NFATC2: variants seen among roughly 807,000 people sequenced by gnomAD.
The protein encoded by NFATC2 is nuclear factor of activated T cells 2.
In NFATC2, 22 loss-of-function variants were observed where a neutral mutation model predicts 87.3. The observed-to-expected ratio is 0.25, with a 90% CI of 0.18 to 0.36. The LOEUF is 0.36. NFATC2 is among the 10% of genes least tolerant of loss of function. The probability of loss-of-function intolerance (pLI) is 1.00; values close to 1 mark genes in which losing one functional copy is unlikely to be tolerated. For synonymous variants in NFATC2, 565 were observed against 542.2 expected (o/e 1.04, Z -0.58); for missense variants, 1,149 against 1,259.1 (o/e 0.91, Z 1.32).
chr20:51,544,814 G>A (rs547004954), upstream of NFATC2, among the ~76,000 whole-genome samples: 2 of 152,226 alleles, frequency 1.3e-5, no homozygotes, highest in South Asian at 4.1e-4. Context: ...TGCTTCCAAT[G>A]TGTGGCCAGA....
At chr20:51,435,621 G>A in intron 7 of NFATC2, 85 bp downstream of exon 7, 1 of 1,430,304 alleles carries the variant, frequency 7.0e-7, no homozygotes. Flanking sequence ...GGACACTGAT[G>A]AAGGAAGGAG....
intron 9 of NFATC2, among the ~76,000 whole-genome samples, chr20:51,425,513 G>A (rs1391472327): frequency 1.3e-5 from 2 of 152,288 alleles, no homozygotes; most frequent in East Asian, 1.9e-4. Flanking sequence ...ACCCTCTGTC[G>A]GCACCAGGAG....
chr20:51,452,980 G>A lies in NFATC2; in HGVS notation c.1849+1568C>T, dbSNP rs3787203. On this transcript the variant is annotated intron_variant, in intron 6 of 10. Transcript: ENST00000371564. The stretch of plus-strand genomic sequence containing the variant: ...CCTGGTGGCTGGCCCTGCCACCTGC[G>A]TTCTTAATGCCTCTCTACACCACTA... The A allele has an allele frequency of 0.011, 1,684 of 154,842 alleles. 56 individuals carry two copies. The East Asian group carries it at 0.13, about 12-fold the overall frequency. 9.6% of individuals were successfully genotyped at this position (154,842 alleles called of 1,614,324 possible).
At chr20:51,422,891 T>A (rs1453524003) in intron 9 of NFATC2, among the ~76,000 whole-genome samples, 1 of 152,210 alleles carries the variant, frequency 6.6e-6, no homozygotes, top group African/African-American at 2.4e-5. Flanking sequence ...GCCACCCAAT[T>A]CATAGACTAA....
intron 9 of NFATC2, among the ~76,000 whole-genome samples, chr20:51,402,304 C>A (rs1459715284): frequency 2.6e-5 from 4 of 152,198 alleles, no homozygotes; most frequent in Admixed American, 2.6e-4. Context: ...CTGCACCTCT[C>A]CTATCAAGCA....
In NFATC2 at chr20:51,390,978, C is replaced by T. The variant is rs1207271149; in HGVS notation, c.*518G>A. On this transcript the variant is annotated 3_prime_UTR_variant, in exon 11 of 11. Coordinates refer to ENST00000371564, the MANE Select transcript of NFATC2 (RefSeq NM_012340.5). ...TCCTTGCCTTCAAAAGGTACAGGAG[C>T]TGTATCTGTGACCTGGAAAAACGAA... is the stretch of plus-strand genomic sequence containing the variant. 3.0e-6 allele frequency: 1 copy of T among 333,082 alleles called. No homozygotes were observed. Among genetic ancestry groups the T allele is most frequent in the East Asian group, 7.5e-5 (1 of 13,398 alleles). 20.6% of individuals were successfully genotyped at this position (333,082 alleles called of 1,614,324 possible). A position where few individuals can be genotyped will look rare whatever the true frequency, so the allele number is the denominator to read the frequency against.
At position 51,551,886 on chromosome 20, in the gene NFATC2, G is replaced by A. The variant is rs1008476718; in HGVS notation, c.70+10674C>T. The stretch of plus-strand genomic sequence containing the variant: ...ACTAAAAATACAAAAAGTTAGCCGG[G>A]TGTGGTGGCGGGTGCCTGTAGTCCC... On this transcript the variant is annotated intron_variant, in intron 1 of 10. Coordinates refer to the NFATC2 transcript ENST00000414705. Among the ~76,000 whole-genome samples, 4 of 152,116 alleles carry A rather than the reference G, an allele frequency of 2.6e-5. No individual in the cohort carries two copies. The South Asian group carries it at 8.3e-4, about 32-fold the overall frequency.
At chr20:51,558,874 G>T (rs574724415) in intron 1 of NFATC2, among the ~76,000 whole-genome samples, 20 of 152,302 alleles carry the variant, frequency 1.3e-4, no homozygotes, top group African/African-American at 4.6e-4. Context: ...CTCTGATTCA[G>T]ACCTCAAGCT....
intron 9 of NFATC2, among the ~76,000 whole-genome samples, chr20:51,425,450 G>C (rs568727138): frequency 6.8e-4 from 104 of 152,286 alleles, no homozygotes; most frequent in Middle Eastern, 3.4e-3. Flanking sequence ...GGGCCACTTG[G>C]CTGGGCAACT....
intron 3 of NFATC2, among the ~76,000 whole-genome samples, chr20:51,499,343 C>T (rs907751495): frequency 1.3e-4 from 20 of 152,130 alleles, no homozygotes; most frequent in African/African-American, 7.2e-5. Flanking sequence ...CACCCTACCC[C>T]GAGCCCAGCT....
At chr20:51,476,724 GAATT>G (rs1352859323) in intron 3 of NFATC2, among the ~76,000 whole-genome samples, 1 of 152,120 alleles carries the variant, frequency 6.6e-6, no homozygotes, top group African/African-American at 2.4e-5. Flanking sequence ...TTTGATGAGT[GAATT>G]AATAAGGCTA....
intron 10 of NFATC2, among the ~76,000 whole-genome samples, chr20:51,392,419 T>G (rs1376467173): frequency 6.6e-6 from 1 of 152,166 alleles, no homozygotes; most frequent in African/African-American, 2.4e-5. Flanking sequence ...CTTTGCCCAC[T>G]GGGTAAGGTA....
At chr20:51,446,921 G>A (rs1985138711) in intron 6 of NFATC2, among the ~76,000 whole-genome samples, 1 of 152,146 alleles carries the variant, frequency 6.6e-6, no homozygotes, top group Non-Finnish European at 1.5e-5. Flanking sequence ...ATTTCCCAGA[G>A]GGAAGCCCCA....
At chr20:51,404,758 G>T (rs1376044204) in intron 9 of NFATC2, among the ~76,000 whole-genome samples, 2 of 152,178 alleles carry the variant, frequency 1.3e-5, no homozygotes, top group African/African-American at 4.8e-5. Flanking sequence ...ACATCCTGCT[G>T]AGAGGGGCCC....
chr20:51,392,754 T>G (rs1986511390), intron 10 of NFATC2, among the ~76,000 whole-genome samples: 1 of 152,152 alleles, frequency 6.6e-6, no homozygotes, highest in African/African-American at 2.4e-5. Flanking sequence ...GCAGTGAGGG[T>G]TAAATGTTCA....
intron 3 of NFATC2, among the ~76,000 whole-genome samples, chr20:51,506,194 G>C (rs962313672): frequency 9.2e-5 from 14 of 152,194 alleles, no homozygotes. Flanking sequence ...AGCTCGGCCA[G>C]GGTCAGCCTG....
chr20:51,450,537 C>A (rs1985636932), intron 6 of NFATC2, among the ~76,000 whole-genome samples: 1 of 152,154 alleles, frequency 6.6e-6, no homozygotes, highest in Admixed American at 6.5e-5. Flanking sequence ...ATCCCATGAG[C>A]ACTAAGTGCA....
At chr20:51,502,575 A>G (rs2076107605) in intron 3 of NFATC2, among the ~76,000 whole-genome samples, 1 of 152,104 alleles carries the variant, frequency 6.6e-6, no homozygotes. Flanking sequence ...GCCTCAAGTG[A>G]TCTTTGTGCC....
chr20:51,549,089 C>G (rs887133742), intron 1 of NFATC2, among the ~76,000 whole-genome samples: 1 of 152,108 alleles, frequency 6.6e-6, no homozygotes, highest in South Asian at 2.1e-4. Context: ...GCCCATGAGT[C>G]TGAGACGGCA....
Sources: gnomAD v4.1 joint callset for allele counts (sites outside exome capture counted in the v4.1 genomes callset) on GRCh38, gnomAD v4.1.1 for gene constraint, MANE v1.5 for transcripts, NCBI Gene and HGNC (gene_info 2026-07-23, HGNC 2026-07-21) for gene names.